AKAP19: variants seen among roughly 807,000 people sequenced by gnomAD.
AKAP19 encodes the protein small A-kinase anchoring protein.
At chr2:189,972,833 G>T in the AKAP19 span, among the ~76,000 whole-genome samples, 1 of 152,196 alleles carries the variant, frequency 6.6e-6, no homozygotes, top group Non-Finnish European at 1.5e-5. Context: ...CATTGATTTT[G>T]TATCCTGAGA....
At chr2:189,902,006 A>T in the AKAP19 span, among the ~76,000 whole-genome samples, 1 of 152,142 alleles carries the variant, frequency 6.6e-6, no homozygotes, top group Non-Finnish European at 1.5e-5. Context: ...GTATATGCTC[A>T]GTAAATGAGA....
At chr2:189,947,809 G>A in the AKAP19 span, among the ~76,000 whole-genome samples, 6 of 151,936 alleles carry the variant, frequency 3.9e-5, no homozygotes, top group African/African-American at 1.4e-4. Flanking sequence ...AGTGATTTCC[G>A]ATTCTAACCA....
the AKAP19 span, among the ~76,000 whole-genome samples, chr2:190,103,762 C>T: frequency 3.3e-5 from 5 of 152,078 alleles, no homozygotes; most frequent in African/African-American, 7.2e-5. Flanking sequence ...GCCACACTGC[C>T]GAAAGCAATC....
At chr2:190,105,611 A>T in the AKAP19 span, among the ~76,000 whole-genome samples, 1 of 152,216 alleles carries the variant, frequency 6.6e-6, no homozygotes, top group Non-Finnish European at 1.5e-5. Context: ...TGTCTGAAAT[A>T]ATCCACTTGA....
chr2:189,902,048 A>G, the AKAP19 span, among the ~76,000 whole-genome samples: 2 of 152,246 alleles, frequency 1.3e-5, no homozygotes, highest in Non-Finnish European at 2.9e-5. Context: ...TATTATTAAC[A>G]TTGATGAGTC....
chr2:190,029,752 C>G, the AKAP19 span, among the ~76,000 whole-genome samples: 1 of 152,118 alleles, frequency 6.6e-6, no homozygotes, highest in African/African-American at 2.4e-5. Context: ...TTTACAGAAA[C>G]AGGCAGCTGC....
the AKAP19 span, among the ~76,000 whole-genome samples, chr2:189,885,589 T>C: frequency 2.0e-5 from 3 of 152,124 alleles, no homozygotes; most frequent in South Asian, 6.2e-4. Flanking sequence ...TTAAATTTTG[T>C]GGTGATTTGT....
chr2:190,092,545 G>T, the AKAP19 span, among the ~76,000 whole-genome samples: 20 of 151,930 alleles, frequency 1.3e-4, 1 homozygote, highest in Admixed American at 5.2e-4. Context: ...TCTTTCTTTG[G>T]CCTCTCTGCT....
chr2:190,019,130 A>G, the AKAP19 span, among the ~76,000 whole-genome samples: 1 of 152,166 alleles, frequency 6.6e-6, no homozygotes, highest in African/African-American at 2.4e-5. Context: ...GTAGAAATAC[A>G]CAGTTGAGGT....
chr2:189,923,103 A>G, the AKAP19 span, among the ~76,000 whole-genome samples: 1 of 152,178 alleles, frequency 6.6e-6, no homozygotes, highest in Non-Finnish European at 1.5e-5. Context: ...GTGAGCCAAG[A>G]TCGCACCACT....
At chr2:189,889,576 T>C in the AKAP19 span, among the ~76,000 whole-genome samples, 2 of 152,216 alleles carry the variant, frequency 1.3e-5, no homozygotes, top group Non-Finnish European at 2.9e-5. Context: ...TTTTGGTTGG[T>C]AGGCCATTAA....
chr2:189,999,762 G>A, the AKAP19 span, among the ~76,000 whole-genome samples: 2 of 152,078 alleles, frequency 1.3e-5, no homozygotes, highest in Non-Finnish European at 2.9e-5. Context: ...TGTCCATTTT[G>A]GTACCACATG....
chr2:190,150,881 T>C, the AKAP19 span, among the ~76,000 whole-genome samples: 6 of 152,082 alleles, frequency 3.9e-5, no homozygotes, highest in Non-Finnish European at 8.8e-5. Flanking sequence ...TTTTGCCAGA[T>C]AGTTGAGGAA....
At chr2:190,051,037 C>G in the AKAP19 span, among the ~76,000 whole-genome samples, 2 of 152,196 alleles carry the variant, frequency 1.3e-5, no homozygotes, top group African/African-American at 4.8e-5. Context: ...CAAGTAAAAG[C>G]TGGTCAATTT....
At chr2:189,993,751 C>T in the AKAP19 span, among the ~76,000 whole-genome samples, 1 of 151,886 alleles carries the variant, frequency 6.6e-6, no homozygotes, top group African/African-American at 2.4e-5. Flanking sequence ...TGCATATTTC[C>T]AGGAATTTAT....
the AKAP19 span, among the ~76,000 whole-genome samples, chr2:190,177,231 G>A: frequency 2.6e-5 from 4 of 152,150 alleles, no homozygotes; most frequent in Admixed American, 2.6e-4. This position sits in a 1 kb window ranked among gnomAD's most constrained non-coding sequence, Gnocchi z 4.6. Flanking sequence ...TAAGTTCTAG[G>A]GGTAGGGGTG....
chr2:190,025,685 A>G, the AKAP19 span, among the ~76,000 whole-genome samples: 1 of 152,176 alleles, frequency 6.6e-6, no homozygotes, highest in East Asian at 1.9e-4. Context: ...AGACTTTGCT[A>G]ATGGGCAGTA....
the AKAP19 span, among the ~76,000 whole-genome samples, chr2:189,921,886 G>A: frequency 6.6e-6 from 1 of 152,178 alleles, no homozygotes; most frequent in African/African-American, 2.4e-5. Context: ...GCAAAGTACT[G>A]ACTGGGTTAG....
the AKAP19 span, among the ~76,000 whole-genome samples, chr2:189,906,587 T>G: frequency 6.6e-6 from 1 of 152,134 alleles, no homozygotes; most frequent in Non-Finnish European, 1.5e-5. Flanking sequence ...AGAACAAGAC[T>G]GTGTGTACAG....
Sources: gnomAD v4.1 joint callset for allele counts (sites outside exome capture counted in the v4.1 genomes callset) on GRCh38, gnomAD v4.1.1 for gene constraint, Gnocchi (gnomAD v3.1) non-coding constraint, MANE v1.5 for transcripts, NCBI Gene and HGNC (gene_info 2026-07-23, HGNC 2026-07-21) for gene names.